Variants in VARS2 observed in about 807,000 individuals in gnomAD.
VARS2 encodes the protein valine--tRNA ligase, mitochondrial.
VARS2 carries 105 observed loss-of-function variants against 154.1 expected under a neutral mutation model. That is an observed-to-expected ratio of 0.68 (90% CI 0.58 to 0.80). VARS2 has a LOEUF of 0.80. Ranked by LOEUF, VARS2 falls within the 30% of genes least tolerant of loss-of-function variation. VARS2 has a pLI of 0.00. For synonymous variants in VARS2, 483 were observed against 539.5 expected (o/e 0.90, Z 1.45); for missense variants, 1,157 against 1,361.4 (o/e 0.85, Z 2.36).
chr6:30,918,699 C>T, intron 10 of VARS2, 128 bp from the exon 11 acceptor site: 1 of 702,084 alleles, frequency 1.4e-6, no homozygotes, highest in Admixed American at 2.3e-5. Flanking sequence ...TCTAGTCACT[C>T]CTGGGGGCCT....
rs376761206 is a variant in VARS2, at chr6:30,919,859, G to T, written c.1165+11G>T. ...CACATGTGGGCACGGGTGAGTGGAA[G>T]TCAGGGGAGGGAGAGAAAGTTGGGG... On this transcript the variant is annotated intron_variant, in intron 12 of 29. Transcript: ENST00000676266. The surrounding 1 kb of genome is among the most constrained non-coding windows in gnomAD (Gnocchi z 4.5). The T allele has an allele frequency of 6.4e-7, 1 of 1,551,500 alleles. No homozygotes were observed. Among genetic ancestry groups the T allele is most frequent in the Non-Finnish European group, 8.7e-7 (1 of 1,145,414 alleles).
chr6:30,915,091 G>A, intron 2 of VARS2, 54 bp downstream of exon 2: 1 of 1,611,226 alleles, frequency 6.2e-7, no homozygotes, highest in South Asian at 1.1e-5. Context: ...AGGGGCTGGA[G>A]GAGACCGGCT....
rs908881657 is a variant in VARS2, at chr6:30,925,922, C to G, written c.3004C>G (p.Arg1002Gly). The G allele has an allele frequency of 3.1e-6, 5 of 1,613,040 alleles. No homozygotes were observed. The highest frequency in any genetic ancestry group is 2.2e-5 in the East Asian group (1 of 44,888). ...GATCCAGCTACCTCTGTTAGCCGCCCGAAGGTACAAGTTGCAGAAGCAGCT... is the reference window on the plus strand; with the variant it reads ...GATCCAGCTACCTCTGTTAGCCGCCGGAAGGTACAAGTTGCAGAAGCAGCT... ...PQIQLPLLAA[R>G]RYKLQKQLDS... The change falls in exon 29 of 30, where the codon CGA becomes GGA. Residue 1002 changes from arginine (R) to glycine (G), a missense_variant. Arg to Gly is a moderately radical substitution (Grantham distance 125). Coordinates refer to ENST00000676266, the MANE Select transcript of VARS2 (RefSeq NM_020442.6).
At chr6:30,923,975 G>A (rs1562462049) in intron 25 of VARS2, 1 of 371,066 alleles carries the variant, frequency 2.7e-6, no homozygotes, top group South Asian at 2.9e-5. Flanking sequence ...AGGTTGGGGT[G>A]GGGGTGGGTG....
chr6:30,921,854 T>C lies in VARS2; in HGVS notation c.1736-71T>C. ...TCTGGGGGTGGGGGTTGGCCTAGAATGGTGGCAGCAGTGGTCTGAGGTCCT... is the reference window on the plus strand; with the variant it reads ...TCTGGGGGTGGGGGTTGGCCTAGAACGGTGGCAGCAGTGGTCTGAGGTCCT... On this transcript the variant is annotated intron_variant, in intron 18 of 29. Coordinates refer to ENST00000676266, the MANE Select transcript of VARS2 (RefSeq NM_020442.6). This position sits in a 1 kb window ranked among gnomAD's most constrained non-coding sequence, Gnocchi z 4.6. 1 of 1,598,520 alleles carries C rather than the reference T, an allele frequency of 6.3e-7. No homozygotes were observed. The highest frequency in any genetic ancestry group is 2.2e-5 in the East Asian group (1 of 44,810).
chr6:30,919,456 A>C lies in VARS2; in HGVS notation c.1075-302A>C. ...CACCTCGGCCTCCCAAAGTGCTGGG[A>C]TTACAGGCGTGAGCCGCCGCGCCTG... is the stretch of plus-strand genomic sequence containing the variant. On this transcript the variant is annotated intron_variant, in intron 11 of 29. Coordinates refer to ENST00000676266, the MANE Select transcript of VARS2 (RefSeq NM_020442.6). This position sits in a 1 kb window ranked among gnomAD's most constrained non-coding sequence, Gnocchi z 4.5. 3.7e-6 allele frequency: 1 copy of C among 271,796 alleles called. No homozygotes were observed. The highest frequency in any genetic ancestry group is 6.9e-6 in the Non-Finnish European group (1 of 145,816). 16.8% of individuals were successfully genotyped at this position (271,796 alleles called of 1,614,324 possible). A position where few individuals can be genotyped will look rare whatever the true frequency, so the allele number is the denominator to read the frequency against.
At chr6:30,918,521 C>G (rs1475348416) in intron 10 of VARS2, among the ~76,000 whole-genome samples, 1 of 152,204 alleles carries the variant, frequency 6.6e-6, no homozygotes, top group Admixed American at 6.5e-5. Context: ...TCCCCAGTGT[C>G]CTCTGGGCAC....
Position 30,915,372 on chromosome 6 carries a change from C to T in VARS2, c.301C>T (p.Pro101Ser). ...GEKKDVSGPL[P>S]PAYSPRYVEA... ...CTTCACAGATGTCTCTGGGCCCCTG[C>T]CTCCTGCATACAGCCCCCGATATGT... Residue 101 changes from proline to serine, a missense_variant, in exon 4 of 30, where the codon CCT becomes TCT. Physicochemically the swap from Pro to Ser is moderately conservative, Grantham distance 74 (BLOSUM62 -1). Coordinates refer to ENST00000676266, the MANE Select transcript of VARS2 (RefSeq NM_020442.6). The T allele has an allele frequency of 4.3e-6, 7 of 1,614,224 alleles. No individual in the cohort carries two copies. Among genetic ancestry groups the T allele is most frequent in the Non-Finnish European group, 5.9e-6 (7 of 1,180,034 alleles).
Position 30,919,740 on chromosome 6 carries a change from C to A in VARS2, c.1075-18C>A. The A allele has an allele frequency of 6.5e-7, 1 of 1,536,360 alleles. No individual in the cohort carries two copies. Among genetic ancestry groups the A allele is most frequent in the South Asian group, 1.2e-5 (1 of 80,020 alleles). ...CCCTCACAGGTGCCTGTCCTTGATCCCTCTCCCTTCCCTTCAGCATCTACA... is the reference window on the plus strand; with the variant it reads ...CCCTCACAGGTGCCTGTCCTTGATCACTCTCCCTTCCCTTCAGCATCTACA... On this transcript the variant is annotated intron_variant, in intron 11 of 29. Transcript: ENST00000676266. This position sits in a 1 kb window ranked among gnomAD's most constrained non-coding sequence, Gnocchi z 4.5.
chr6:30,925,666 G>A lies in VARS2; in HGVS notation c.2908G>A (p.Gly970Ser), dbSNP rs528157661. Residue 970 changes from glycine to serine, a missense_variant, in exon 28 of 30, where the codon GGC (glycine) becomes AGC (serine). Transcript: ENST00000676266. ...LLPPGAAAPSGWAQAPLSDTA... is the reference protein window; with the variant it reads ...LLPPGAAAPSSWAQAPLSDTA... ...ACCCCCAGGCGCAGCAGCTCCCTCC[G>A]GCTGGGCCCAGGCTCCACTCAGTGA... 58 of 1,610,714 alleles carry A rather than the reference G, an allele frequency of 3.6e-5. No homozygotes were observed. The African/African-American group carries it at 6.0e-4, about 17-fold the overall frequency.
In VARS2 at chr6:30,922,242, G is replaced by T. The variant is rs768226262; in HGVS notation, c.1932+1G>T. 1.9e-6 allele frequency: 3 copies of T among 1,610,552 alleles called. No homozygotes were observed. Among genetic ancestry groups the T allele is most frequent in the Non-Finnish European group, 2.5e-6 (3 of 1,178,926 alleles). On this transcript the variant is annotated splice_donor_variant, in intron 20 of 29. Transcript: ENST00000676266. LOFTEE classifies it high-confidence loss of function. ...CACAGGGCAGCTGCCCTTCAGCAAG[G>T]TAAGAGCCCTTCAGTGCCCTGCCGC... is the stretch of plus-strand genomic sequence containing the variant.
At position 30,917,015 on chromosome 6, in the gene VARS2, G is replaced by A; in HGVS notation, c.753+56G>A. Reference sequence around the variant, plus strand: ...TGATGGGCGATGTTTAGGGATCTGTGTGGGGCAGGGAGGAAGCAATGCCTG... The same window carrying A: ...TGATGGGCGATGTTTAGGGATCTGTATGGGGCAGGGAGGAAGCAATGCCTG... On this transcript the variant is annotated intron_variant, in intron 8 of 29. Transcript: ENST00000676266. This position sits in a 1 kb window ranked among gnomAD's most constrained non-coding sequence, Gnocchi z 4.4. The A allele has an allele frequency of 2.5e-6, 4 of 1,613,580 alleles. No homozygotes were observed. The highest frequency in any genetic ancestry group is 3.4e-6 in the Non-Finnish European group (4 of 1,179,504).
chr6:30,923,579 G>T, intron 25 of VARS2, 74 bp downstream of exon 25: 1 of 1,553,024 alleles, frequency 6.4e-7, no homozygotes, highest in Non-Finnish European at 8.7e-7. Context: ...AAGGCAGAGA[G>T]CTCTGGAGTT....
rs894573490 is a variant in VARS2, at chr6:30,925,601, C to A, written c.2843C>A (p.Pro948His). The A allele has an allele frequency of 1.4e-5, 23 of 1,610,844 alleles. No homozygotes were observed. The highest frequency in any genetic ancestry group is 1.9e-5 in the Non-Finnish European group (23 of 1,179,532). Residue 948 changes from proline to histidine, a missense_variant, in exon 28 of 30, where the codon CCC (proline) becomes CAC (histidine). Coordinates refer to ENST00000676266, the MANE Select transcript of VARS2 (RefSeq NM_020442.6). ...DQGLFEAFLE[P>H]LGTLGYCGAV... is the part of the protein sequence containing the mutation. ...GGCCTCTTCGAGGCCTTCTTGGAGCCCCTGGGCACCCTGGGCTACTGTGGG... is the reference window on the plus strand; with the variant it reads ...GGCCTCTTCGAGGCCTTCTTGGAGCACCTGGGCACCCTGGGCTACTGTGGG...
In VARS2 at chr6:30,920,863, G is replaced by A; in HGVS notation, c.1479+114G>A. 1.8e-6 allele frequency: 2 copies of A among 1,113,058 alleles called. No homozygotes were observed. The highest frequency in any genetic ancestry group is 2.5e-6 in the Non-Finnish European group (2 of 792,162). The allele number at this position is 1,113,058 out of a possible 1,614,324, so 68.9% of individuals were successfully genotyped here. ...CTGCCCTGAAGACCTCTCCAGCTGT[G>A]GTAACTGAGAGGATGTGTGGGATGG... On this transcript the variant is annotated intron_variant, in intron 15 of 29. Coordinates refer to ENST00000676266, the MANE Select transcript of VARS2 (RefSeq NM_020442.6). The surrounding 1 kb of genome is among the most constrained non-coding windows in gnomAD (Gnocchi z 4.6).
In VARS2 at chr6:30,922,769, G is replaced by C. The variant is rs1191147481; in HGVS notation, c.2101G>C (p.Ala701Pro). 6.2e-7 allele frequency: 1 copy of C among 1,610,238 alleles called. No homozygotes were observed. The highest frequency in any genetic ancestry group is 8.5e-7 in the Non-Finnish European group (1 of 1,178,104). The change falls in exon 22 of 30, where the codon GCA (alanine) becomes CCA (proline). Residue 701 changes from alanine (A) to proline (P), a missense_variant. By Grantham distance (27) the Ala-to-Pro change is conservative (BLOSUM62 -1). Transcript: ENST00000676266. Reference protein sequence around the residue: ...DPAELAIVAAAQKKDFPHGIP... With the variant: ...DPAELAIVAAPQKKDFPHGIP... ...TGCAGAGCTGGCCATTGTGGCTGCA[G>C]CACAGGTGAGTCATCGCTGCCTGCC...
chr6:30,914,623 T>A, intron 1 of VARS2, 187 bp from the exon 2 acceptor site: 1 of 1,121,802 alleles, frequency 8.9e-7, no homozygotes, highest in East Asian at 2.7e-5. Context: ...AGCCCTGATA[T>A]CCGTGGCTCC....
rs1562453619 is a variant in VARS2, at chr6:30,919,669, C to T, written c.1075-89C>T. The T allele has an allele frequency of 2.9e-6, 3 of 1,040,172 alleles. No individual in the cohort carries two copies. Among genetic ancestry groups the T allele is most frequent in the East Asian group, 5.6e-5 (2 of 35,960 alleles). The allele number at this position is 1,040,172 out of a possible 1,614,324, so 64.4% of individuals were successfully genotyped here. On this transcript the variant is annotated intron_variant, in intron 11 of 29. Transcript: ENST00000676266. The surrounding 1 kb of genome is among the most constrained non-coding windows in gnomAD (Gnocchi z 4.5). ...CTAGCTTGCTACCTTCCACTTTCTA[C>T]CTTCTTATTCCTGGGGTTCTCACGC...
chr6:30,914,265 C>CCACGTTCCAGGGT lies in VARS2; in HGVS notation c.-105_-93dup, dbSNP rs1562443822. 1.2e-6 allele frequency: 1 copy of CCACGTTCCAGGGT among 859,590 alleles called. No individual in the cohort carries two copies. Among genetic ancestry groups the CCACGTTCCAGGGT allele is most frequent in the African/African-American group, 1.7e-5 (1 of 57,624 alleles). 53.2% of individuals were successfully genotyped at this position (859,590 alleles called of 1,614,324 possible). On this transcript the variant is annotated 5_prime_UTR_variant, in exon 1 of 30. The change creates a premature stop within an existing upstream ORF in the 5' untranslated region. Coordinates refer to ENST00000676266, the MANE Select transcript of VARS2 (RefSeq NM_020442.6). ...CCCCATGCGCCGCGCGGCTCCAGGG[C>CCACGTTCCAGGGT]CACGTTCCAGGGTCGGGTTTGGTGG...
Sources: allele counts gnomAD v4.1 joint callset (sites outside exome capture counted in the v4.1 genomes callset), GRCh38; gene constraint gnomAD v4.1.1; non-coding constraint Gnocchi (gnomAD v3.1); transcripts MANE v1.5; gene names NCBI Gene and HGNC (gene_info 2026-07-23, HGNC 2026-07-21).